The following PPP1R21 variants were observed in gnomAD, a reference collection of about 807,000 sequenced individuals.
The protein encoded by PPP1R21 is KLRAQ motif containing 1.
Under a neutral mutation model 112.8 loss-of-function variants are expected in PPP1R21, and 85 were observed. The observed-to-expected ratio is 0.75, with a 90% CI of 0.63 to 0.90. The LOEUF is 0.90. Ranked by LOEUF, PPP1R21 falls within the 40% of genes least tolerant of loss-of-function variation. The pLI, the probability that PPP1R21 is intolerant of heterozygous loss-of-function variation, is 0.00. For missense variants in PPP1R21, 1,199 were observed against 901.5 expected (o/e 1.33, Z -4.23); for synonymous variants, 381 against 322.3 (o/e 1.18, Z -1.95).
At chr2:48,481,370 G>C (rs1193448746) in intron 13 of PPP1R21, among the ~76,000 whole-genome samples, 5 of 152,224 alleles carry the variant, frequency 3.3e-5, no homozygotes, top group African/African-American at 1.2e-4. Flanking sequence ...TAGGCAGTAT[G>C]GGTGGCAGTT....
At chr2:48,484,858 C>T (rs1470425200) in intron 13 of PPP1R21, among the ~76,000 whole-genome samples, 1 of 152,198 alleles carries the variant, frequency 6.6e-6, no homozygotes, top group Non-Finnish European at 1.5e-5. Context: ...AATCAAGCTA[C>T]AATAGCATTG....
At chr2:48,504,542 G>A (rs1670282885) in intron 17 of PPP1R21, among the ~76,000 whole-genome samples, 1 of 152,182 alleles carries the variant, frequency 6.6e-6, no homozygotes, top group South Asian at 2.1e-4. Context: ...TCGGGAGGCT[G>A]AGGCGGGAGA....
Position 48,487,188 on chromosome 2 carries a change from C to T in PPP1R21, c.1446+430C>T, listed in dbSNP as rs563903879. ...ATAGATCGTTGTGTATATGAAGGGT[C>T]TGCCATATAGAACACTGGGAACATA... On this transcript the variant is annotated intron_variant, in intron 14 of 21. Coordinates refer to ENST00000294952, the MANE Select transcript of PPP1R21 (RefSeq NM_001135629.3). Among the ~76,000 whole-genome samples the T allele has an allele frequency of 2.6e-4, 39 of 152,264 alleles. 1 individual carries two copies. The South Asian group carries it at 7.5e-3, about 29-fold the overall frequency.
chr2:48,499,414 A>C (rs1669997728), intron 17 of PPP1R21, among the ~76,000 whole-genome samples: 1 of 152,166 alleles, frequency 6.6e-6, no homozygotes, highest in African/African-American at 2.4e-5. Flanking sequence ...CCAAATGCCT[A>C]ATTCTTTAAT....
intron 15 of PPP1R21, among the ~76,000 whole-genome samples, chr2:48,493,524 A>G (rs1486103670): frequency 6.6e-6 from 1 of 152,062 alleles, no homozygotes; most frequent in Non-Finnish European, 1.5e-5. Flanking sequence ...ATTCACGTGT[A>G]TTTTCTTCCA....
intron 17 of PPP1R21, 105 bp from the exon 18 acceptor site, chr2:48,505,459 C>G (rs761159325): frequency 1.3e-5 from 11 of 829,440 alleles, no homozygotes; most frequent in Non-Finnish European, 2.2e-5. Flanking sequence ...GTTCTGTACC[C>G]TCAATGCTCT....
chr2:48,490,238 AAGAAAGAAAAGAAAAAAAG>A, intron 14 of PPP1R21, among the ~76,000 whole-genome samples: 1 of 145,426 alleles, frequency 6.9e-6, no homozygotes, highest in East Asian at 2.0e-4. Flanking sequence ...AAAAAAAAAA[AAGAAAGAAAAGAAAAAAAG>A]AAACTGCACT....
At chr2:48,451,207 C>G in intron 2 of PPP1R21, 131 bp downstream of exon 2, 1 of 681,856 alleles carries the variant, frequency 1.5e-6, no homozygotes. Context: ...GACAGTAATA[C>G]AGTCTTTTGT....
chr2:48,502,837 T>C (rs891083313), intron 17 of PPP1R21, among the ~76,000 whole-genome samples: 3 of 151,984 alleles, frequency 2.0e-5, no homozygotes, highest in East Asian at 3.9e-4. Context: ...CCTGCCACCA[T>C]GCCCGGCTAA....
Position 48,479,865 on chromosome 2 carries a change from A to G in PPP1R21, c.1226-59A>G. On this transcript the variant is annotated intron_variant, in intron 12 of 21. Transcript: ENST00000294952. ...TCTCTATCTTCCCAAAAGTAGAGGG[A>G]TACAATGGGCAGTCCATTTTTCAGG... 3.0e-6 allele frequency: 3 copies of G among 1,004,436 alleles called. No individual in the cohort carries two copies. In the South Asian group the frequency reaches 3.8e-5, roughly 13 times the overall value. The allele number at this position is 1,004,436 out of a possible 1,614,324, so 62.2% of individuals were successfully genotyped here.
intron 9 of PPP1R21, among the ~76,000 whole-genome samples, chr2:48,466,248 G>C (rs1431980655): frequency 6.6e-6 from 1 of 151,152 alleles, no homozygotes; most frequent in East Asian, 1.9e-4. Context: ...GTCTCGCTCT[G>C]TTGCCCAGGT....
At position 48,463,864 on chromosome 2, in the gene PPP1R21, G is replaced by T. The variant is rs150059864; in HGVS notation, c.695-1073G>T. ...GTGTAAGAACTCTTTTGCTTTGGCT[G>T]TGATTTTCTTGGTGGAGTAGGGAGA... is the stretch of plus-strand genomic sequence containing the variant. On this transcript the variant is annotated intron_variant, in intron 7 of 21. Transcript: ENST00000294952. 2.2e-4 allele frequency among the ~76,000 whole-genome samples: 34 copies of T among 152,052 alleles called. No homozygotes were observed. In the East Asian group the frequency reaches 6.4e-3, roughly 29 times the overall value.
intron 13 of PPP1R21, among the ~76,000 whole-genome samples, chr2:48,483,274 C>T (rs1669116573): frequency 6.7e-6 from 1 of 149,350 alleles, no homozygotes; most frequent in Non-Finnish European, 1.5e-5. Flanking sequence ...CTTTCCCTCC[C>T]AGGTTCAAGC....
At chr2:48,506,977 G>A (rs1163348711) in intron 18 of PPP1R21, among the ~76,000 whole-genome samples, 1 of 150,466 alleles carries the variant, frequency 6.6e-6, no homozygotes, top group Non-Finnish European at 1.5e-5. Context: ...CAGTTTTGTG[G>A]CTAATAAAAG....
chr2:48,473,285 T>C (rs2103859038), intron 11 of PPP1R21, among the ~76,000 whole-genome samples: 1 of 152,316 alleles, frequency 6.6e-6, no homozygotes, highest in Middle Eastern at 3.4e-3. Context: ...TTATATGTTA[T>C]AGTTCTGTAT....
intron 11 of PPP1R21, among the ~76,000 whole-genome samples, chr2:48,473,893 A>G (rs1346108209): frequency 6.6e-6 from 1 of 152,174 alleles, no homozygotes; most frequent in African/African-American, 2.4e-5. Context: ...TTAAGCGTTT[A>G]CTTTTAAATT....
chr2:48,444,500 T>A (rs1667165871), intron 1 of PPP1R21, among the ~76,000 whole-genome samples: 1 of 152,270 alleles, frequency 6.6e-6, no homozygotes, highest in African/African-American at 2.4e-5. Flanking sequence ...CAAAAAGTGC[T>A]GAGTTCTGGC....
At chr2:48,484,932 C>T (rs946413959) in intron 13 of PPP1R21, among the ~76,000 whole-genome samples, 2 of 152,134 alleles carry the variant, frequency 1.3e-5, no homozygotes, top group African/African-American at 2.4e-5. Context: ...GCTTACCAAC[C>T]AAATTGTATT....
chr2:48,473,800 A>G (rs1453980012), intron 11 of PPP1R21, among the ~76,000 whole-genome samples: 1 of 152,134 alleles, frequency 6.6e-6, no homozygotes, highest in Non-Finnish European at 1.5e-5. Context: ...TAGTTAAGAC[A>G]CTACATTTTT....
Sources: gnomAD v4.1 joint callset for allele counts (sites outside exome capture counted in the v4.1 genomes callset) on GRCh38, gnomAD v4.1.1 for gene constraint, MANE v1.5 for transcripts, NCBI Gene and HGNC (gene_info 2026-07-23, HGNC 2026-07-21) for gene names.